Variants in MDGA2 observed in about 807,000 individuals in gnomAD.
MDGA2 encodes MAM domain containing glycosylphosphatidylinositol anchor 2, also known as MAM domain-containing glycosylphosphatidylinositol anchor protein 2.
MDGA2 carries 40 observed loss-of-function variants against 117.8 expected under a neutral mutation model. The ratio of observed to expected loss-of-function variants is 0.34; its 90% confidence interval spans 0.26 to 0.44. MDGA2 has a LOEUF of 0.44. Among genes scored for constraint, MDGA2 ranks in the 20% least tolerant of loss-of-function variants. The probability of loss-of-function intolerance (pLI) is 1.00; values close to 1 mark genes in which losing one functional copy is unlikely to be tolerated. For missense variants in MDGA2, 1,123 were observed against 1,250.6 expected (o/e 0.90, Z 1.54); for synonymous variants, 452 against 439.0 (o/e 1.03, Z -0.37).
chr14:46,868,936 CT>C (rs1566499492), intron 14 of MDGA2, among the ~76,000 whole-genome samples: 1 of 151,848 alleles, frequency 6.6e-6, no homozygotes, highest in African/African-American at 2.4e-5. Flanking sequence ...ATACTGAATT[CT>C]TTTTTTTACC....
At chr14:46,993,971 C>T (rs1358115340) in intron 8 of MDGA2, among the ~76,000 whole-genome samples, 3 of 152,074 alleles carry the variant, frequency 2.0e-5, no homozygotes, top group Non-Finnish European at 4.4e-5. Flanking sequence ...TAGGTTGTAG[C>T]ACAGACATGC....
chr14:47,360,616 T>C (rs1891099987), intron 1 of MDGA2, among the ~76,000 whole-genome samples: 1 of 152,108 alleles, frequency 6.6e-6, no homozygotes, highest in Non-Finnish European at 1.5e-5. Context: ...CTTTGTATAC[T>C]GTTGGTGGGA....
At chr14:47,108,861 G>T (rs1248010480) in intron 5 of MDGA2, among the ~76,000 whole-genome samples, 1 of 152,164 alleles carries the variant, frequency 6.6e-6, no homozygotes, top group South Asian at 2.1e-4. Context: ...AAGCAAAAAA[G>T]ATGATCCCCG....
Position 47,295,610 on chromosome 14 carries a change from A to G in MDGA2, c.420+5801T>C, listed in dbSNP as rs529732086. Among the ~76,000 whole-genome samples, 15 of 152,326 alleles carry G rather than the reference A, an allele frequency of 9.8e-5. No individual in the cohort carries two copies. In the East Asian group the frequency reaches 2.3e-3, roughly 24 times the overall value. On this transcript the variant is annotated intron_variant, in intron 2 of 16. Transcript: ENST00000399232. ...GAATGACCTGCTCATTTATATATCA[A>G]AATGTATTATAGGCCGGGCGCAGTG...
At chr14:46,982,705 CAAAAAAAAAA>C (rs59530070) in intron 8 of MDGA2, among the ~76,000 whole-genome samples, 12 of 45,910 alleles carry the variant, frequency 2.6e-4, no homozygotes, top group East Asian at 1.0e-3. Flanking sequence ...GAGACTCCAT[CAAAAAAAAAA>C]AAAAAAAAAA....
chr14:47,132,712 C>T (rs1405212516), intron 4 of MDGA2, among the ~76,000 whole-genome samples: 1 of 151,868 alleles, frequency 6.6e-6, no homozygotes, highest in African/African-American at 2.4e-5. Flanking sequence ...AATAGTTCTT[C>T]TTGTAAATAA....
chr14:47,106,343 C>T (rs1415712066), intron 5 of MDGA2, among the ~76,000 whole-genome samples: 1 of 152,020 alleles, frequency 6.6e-6, no homozygotes, highest in African/African-American at 2.4e-5. Flanking sequence ...CAATTCCTTG[C>T]CTCCATTGTG....
At chr14:47,326,877 T>C (rs1044519509) in intron 1 of MDGA2, among the ~76,000 whole-genome samples, 16 of 152,184 alleles carry the variant, frequency 1.1e-4, no homozygotes, top group African/African-American at 2.9e-4. Context: ...TTTTATTTCA[T>C]TGAAGCTTTT....
At chr14:47,254,397 T>G (rs775286291) in intron 2 of MDGA2, among the ~76,000 whole-genome samples, 5 of 152,156 alleles carry the variant, frequency 3.3e-5, no homozygotes, top group African/African-American at 4.8e-5. Flanking sequence ...CACTCAAAGT[T>G]TCACAGATCT....
chr14:47,089,046 C>G (rs999949800), intron 6 of MDGA2, among the ~76,000 whole-genome samples: 2 of 151,892 alleles, frequency 1.3e-5, no homozygotes, highest in Non-Finnish European at 2.9e-5. Flanking sequence ...GGAAAGAAAA[C>G]AATGTTACTA....
Position 47,673,632 on chromosome 14 carries a change from A to ATGTGTGTGTGTGTGTG in MDGA2, c.280+869_280+884dup, listed in dbSNP as rs10528657. On this transcript the variant is annotated intron_variant, in intron 1 of 16. Coordinates refer to ENST00000399232, the MANE Select transcript of MDGA2 (RefSeq NM_001113498.3). ...TAGTCCACTATTAACTATGACCTGG[A>ATGTGTGTGTGTGTGTG]TGTGTGTGTGTGTGTGTGTGTGTGT... Among the ~76,000 whole-genome samples, 811 of 144,058 alleles carry ATGTGTGTGTGTGTGTG rather than the reference A, an allele frequency of 5.6e-3. 6 individuals carry two copies. The highest frequency in any genetic ancestry group is 7.7e-3 in the African/African-American group (299 of 38,678). 94.5% of individuals were successfully genotyped at this position (144,058 alleles called of 152,430 possible). A position where few individuals can be genotyped will look rare whatever the true frequency, so the allele number is the denominator to read the frequency against.
intron 9 of MDGA2, among the ~76,000 whole-genome samples, chr14:46,956,871 C>G (rs1885582403): frequency 6.6e-6 from 1 of 152,036 alleles, no homozygotes; most frequent in Non-Finnish European, 1.5e-5. Flanking sequence ...GATGGTGAGT[C>G]AGTTCCCATG....
intron 2 of MDGA2, chr14:47,299,319 G>GCA (rs1889197090): frequency 1.3e-5 from 2 of 152,106 alleles, no homozygotes; most frequent in Non-Finnish European, 2.9e-5. Context: ...AGCAACACCT[G>GCA]GGGTATGTTA....
At chr14:46,879,821 T>G (rs1882373399) in intron 11 of MDGA2, among the ~76,000 whole-genome samples, 1 of 152,144 alleles carries the variant, frequency 6.6e-6, no homozygotes, top group African/African-American at 2.4e-5. Flanking sequence ...GCACTCTACA[T>G]TATACATCTT....
intron 10 of MDGA2, among the ~76,000 whole-genome samples, chr14:46,896,544 T>A (rs906506069): frequency 6.6e-6 from 1 of 152,072 alleles, no homozygotes; most frequent in Non-Finnish European, 1.5e-5. Context: ...TACTGTTATA[T>A]ATTTGATATT....
chr14:47,538,552 G>T (rs1895271461), intron 1 of MDGA2, among the ~76,000 whole-genome samples: 1 of 152,106 alleles, frequency 6.6e-6, no homozygotes, highest in African/African-American at 2.4e-5. Flanking sequence ...ACTCTTGATT[G>T]GGTGGTCCTT....
chr14:47,352,899 T>C (rs1890915609), intron 1 of MDGA2, among the ~76,000 whole-genome samples: 1 of 152,176 alleles, frequency 6.6e-6, no homozygotes, highest in Admixed American at 6.5e-5. Context: ...CTTAAAAGAA[T>C]TTAAATGAGA....
intron 9 of MDGA2, among the ~76,000 whole-genome samples, chr14:46,922,037 A>C (rs890737198): frequency 6.6e-6 from 1 of 152,172 alleles, no homozygotes; most frequent in Non-Finnish European, 1.5e-5. Context: ...TAAACAATTC[A>C]TTCAAAGAGA....
chr14:47,346,694 A>T (rs1271408543), intron 1 of MDGA2, among the ~76,000 whole-genome samples: 1 of 152,214 alleles, frequency 6.6e-6, no homozygotes, highest in Non-Finnish European at 1.5e-5. Context: ...TATGGCACAC[A>T]TCCTATTTTT....
Sources: allele counts gnomAD v4.1 joint callset (sites outside exome capture counted in the v4.1 genomes callset), GRCh38; gene constraint gnomAD v4.1.1; transcripts MANE v1.5; gene names NCBI Gene and HGNC (gene_info 2026-07-23, HGNC 2026-07-21).